The following VSNL1 variants were observed in gnomAD, a reference collection of about 807,000 sequenced individuals.
VSNL1 encodes the protein visinin-like protein 1.
In VSNL1, 6 loss-of-function variants were observed where a neutral mutation model predicts 20.4. The observed-to-expected ratio is 0.29, with a 90% CI of 0.16 to 0.58. VSNL1 has a LOEUF of 0.58. VSNL1 is among the 20% of genes least tolerant of loss of function. The probability of loss-of-function intolerance (pLI) is 0.90; values close to 1 mark genes in which losing one functional copy is unlikely to be tolerated. For missense variants in VSNL1, 100 were observed against 234.5 expected, an observed-to-expected ratio of 0.43 and a Z score of 3.75; for synonymous variants, 93 against 86.4, an observed-to-expected ratio of 1.08 and a Z score of -0.42.
chr2:17,600,771 G>A (rs555638715), intron 2 of VSNL1, among the ~76,000 whole-genome samples: 30 of 152,258 alleles, frequency 2.0e-4, no homozygotes, highest in Admixed American at 1.1e-3. Flanking sequence ...ATTTCCACTT[G>A]GAATGTTTGC....
chr2:17,614,600 A>C (rs910491465), intron 2 of VSNL1, among the ~76,000 whole-genome samples: 36 of 152,166 alleles, frequency 2.4e-4, no homozygotes, highest in African/African-American at 8.7e-4. Flanking sequence ...AACCCCAAGG[A>C]GGGCATTTAT....
chr2:17,638,780 C>A (rs1665816489), intron 2 of VSNL1, among the ~76,000 whole-genome samples: 1 of 152,174 alleles, frequency 6.6e-6, no homozygotes, highest in South Asian at 2.1e-4. Context: ...AGGCAAGAAT[C>A]AGGTCACATT....
intron 3 of VSNL1, among the ~76,000 whole-genome samples, chr2:17,653,636 C>T (rs148048130): frequency 0.011 from 1,693 of 152,238 alleles, 23 homozygotes; most frequent in Non-Finnish European, 0.015. Flanking sequence ...AAAGTAAATA[C>T]GCACAAAATA....
At chr2:17,596,828 G>T (rs948830828) in intron 2 of VSNL1, among the ~76,000 whole-genome samples, 1 of 152,120 alleles carries the variant, frequency 6.6e-6, no homozygotes, top group Non-Finnish European at 1.5e-5. Context: ...GTTTGAATTT[G>T]TTTCCCTGTC....
intron 1 of VSNL1, among the ~76,000 whole-genome samples, chr2:17,579,265 G>A (rs1440487335): frequency 6.6e-6 from 1 of 151,980 alleles, no homozygotes; most frequent in Non-Finnish European, 1.5e-5. Context: ...ACAGGTGCCC[G>A]CCACCACGCC....
chr2:17,592,304 C>G (rs994253046), intron 2 of VSNL1, 68 bp downstream of exon 2: 6 of 1,517,846 alleles, frequency 4.0e-6, no homozygotes, highest in Non-Finnish European at 5.4e-6. Context: ...AAATTGTACC[C>G]TCACATGGAA....
At chr2:17,619,826 ACACCGGGGATT>A (rs1273042773) in intron 2 of VSNL1, among the ~76,000 whole-genome samples, 2 of 151,984 alleles carry the variant, frequency 1.3e-5, no homozygotes, top group Non-Finnish European at 2.9e-5. Context: ...ATGGTACTAG[ACACCGGGGATT>A]CAAATAATTT....
At chr2:17,625,683 C>T (rs1426430983) in intron 2 of VSNL1, among the ~76,000 whole-genome samples, 1 of 152,128 alleles carries the variant, frequency 6.6e-6, no homozygotes, top group Non-Finnish European at 1.5e-5. Flanking sequence ...GGGGGCGGGA[C>T]AATGTGTCAA....
rs57144136 is a variant in VSNL1, at chr2:17,567,353, C to CTTTTTTTTTTTTTT, written c.-5-24706_-5-24693dup. 3 of 84,540 alleles carry CTTTTTTTTTTTTTT rather than the reference C, an allele frequency of 3.5e-5. 1 individual carries two copies. Among genetic ancestry groups the CTTTTTTTTTTTTTT allele is most frequent in the African/African-American group, 1.5e-4 (3 of 19,946 alleles). 5.2% of individuals were successfully genotyped at this position (84,540 alleles called of 1,614,324 possible). On this transcript the variant is annotated intron_variant, in intron 1 of 3. Coordinates refer to ENST00000295156, the MANE Select transcript of VSNL1 (RefSeq NM_003385.5). ...GTAAAGAGAGTCTCATAGAGTCTCA[C>CTTTTTTTTTTTTTT]TTTTTTTTTTTTTTTTTTTTTTTTA...
intron 2 of VSNL1, among the ~76,000 whole-genome samples, chr2:17,603,935 T>C (rs542605538): frequency 6.6e-6 from 1 of 152,268 alleles, no homozygotes; most frequent in African/African-American, 2.4e-5. Context: ...AAGTTACTCA[T>C]GAAGAATTTA....
chr2:17,645,123 A>C (rs2103425888), intron 2 of VSNL1, among the ~76,000 whole-genome samples: 1 of 152,364 alleles, frequency 6.6e-6, no homozygotes, highest in Middle Eastern at 3.4e-3. Context: ...CCAGCAGACT[A>C]ATGGGCAGAA....
rs111864913 is a variant in VSNL1, at chr2:17,649,095, G to C, written c.163-315G>C. Among the ~76,000 whole-genome samples the C allele has an allele frequency of 9.9e-3, 1,502 of 152,248 alleles. 10 individuals carry two copies. The highest frequency in any genetic ancestry group is 0.039 in the South Asian group (187 of 4,830). Reference sequence around the variant, plus strand: ...GCTGTCTGCCTCAGTCCTGTTCCTGGGGGGAGTGAGCTGAGATGCTGCAAC... The same window carrying C: ...GCTGTCTGCCTCAGTCCTGTTCCTGCGGGGAGTGAGCTGAGATGCTGCAAC... On this transcript the variant is annotated intron_variant, in intron 2 of 3. Transcript: ENST00000295156. The surrounding 1 kb of genome is among the most constrained non-coding windows in gnomAD (Gnocchi z 6.4).
intron 1 of VSNL1, among the ~76,000 whole-genome samples, chr2:17,566,801 T>G (rs1663957182): frequency 6.6e-6 from 1 of 152,176 alleles, no homozygotes; most frequent in African/African-American, 2.4e-5. Context: ...TTTTTGAGAT[T>G]GGTGTGAGGT....
intron 1 of VSNL1, among the ~76,000 whole-genome samples, chr2:17,588,032 G>T (rs1370456050): frequency 6.6e-6 from 1 of 152,132 alleles, no homozygotes; most frequent in Non-Finnish European, 1.5e-5. Context: ...CCTTCCACCA[G>T]TCCTGTTTTG....
At chr2:17,602,508 C>G (rs1400220357) in intron 2 of VSNL1, among the ~76,000 whole-genome samples, 1 of 152,100 alleles carries the variant, frequency 6.6e-6, no homozygotes. Context: ...TTTGGGATGC[C>G]GAGGCGGGTG....
At chr2:17,550,514 A>C (rs1023398109) in intron 1 of VSNL1, among the ~76,000 whole-genome samples, 2 of 152,230 alleles carry the variant, frequency 1.3e-5, no homozygotes, top group Admixed American at 6.5e-5. Context: ...AAGCAACCAC[A>C]GTCAAGCTCA....
chr2:17,633,567 A>G (rs1430730600), intron 2 of VSNL1, among the ~76,000 whole-genome samples: 1 of 152,076 alleles, frequency 6.6e-6, no homozygotes, highest in Non-Finnish European at 1.5e-5. Context: ...TGATGGATCT[A>G]GCAGAGGCCA....
At chr2:17,552,616 CAT>C (rs1663571449) in intron 1 of VSNL1, among the ~76,000 whole-genome samples, 1 of 152,116 alleles carries the variant, frequency 6.6e-6, no homozygotes, top group African/African-American at 2.4e-5. Context: ...CGAATTAAGA[CAT>C]ATCATTTTGT....
rs1214189239 is a variant in VSNL1 at position 17,655,469 on chromosome 2, AC to A, written c.*76del. The A allele has an allele frequency of 2.1e-6, 2 of 938,140 alleles. No homozygotes were observed. Among genetic ancestry groups the A allele is most frequent in the Non-Finnish European group, 3.2e-6 (2 of 630,652 alleles). The allele number at this position is 938,140 out of a possible 1,614,324, so 58.1% of individuals were successfully genotyped here. A position where few individuals can be genotyped will look rare whatever the true frequency, so the allele number is the denominator to read the frequency against. On this transcript the variant is annotated 3_prime_UTR_variant, in exon 4 of 4. Coordinates refer to ENST00000295156, the MANE Select transcript of VSNL1 (RefSeq NM_003385.5). The surrounding 1 kb of genome is among the most constrained non-coding windows in gnomAD (Gnocchi z 5.2). ...TCTGCAGCTATTCACACACACACAC[AC>A]ACACACACACACACACACACACACA...
Sources: allele counts gnomAD v4.1 joint callset (sites outside exome capture counted in the v4.1 genomes callset), GRCh38; gene constraint gnomAD v4.1.1; non-coding constraint Gnocchi (gnomAD v3.1); transcripts MANE v1.5; gene names NCBI Gene and HGNC (gene_info 2026-07-23, HGNC 2026-07-21).